Variants in DLGAP2 observed in about 807,000 individuals in gnomAD.
DLGAP2 encodes disks large-associated protein 2.
Under a neutral mutation model 100.3 loss-of-function variants are expected in DLGAP2, and 26 were observed. The observed-to-expected ratio is 0.26, with a 90% CI of 0.19 to 0.36. DLGAP2 has a LOEUF of 0.36. Ranked by LOEUF, DLGAP2 falls within the 10% of genes least tolerant of loss-of-function variation. DLGAP2 has a pLI of 1.00. For synonymous variants in DLGAP2, 886 were observed against 630.1 expected (o/e 1.41, Z -6.08); for missense variants, 1,858 against 1,453.2 (o/e 1.28, Z -4.53).
At chr8:1,577,043 A>G (rs1803008948) in intron 6 of DLGAP2, among the ~76,000 whole-genome samples, 1 of 152,220 alleles carries the variant, frequency 6.6e-6, no homozygotes, top group South Asian at 2.1e-4. Context: ...AGTAACCGAG[A>G]CAGGAGGATA....
chr8:774,791 C>T (rs1821466995), intron 1 of DLGAP2, among the ~76,000 whole-genome samples: 1 of 147,986 alleles, frequency 6.8e-6, no homozygotes, highest in East Asian at 2.0e-4. Flanking sequence ...GTGATGCCTC[C>T]AGCTTTGTTC....
chr8:1,038,166 G>C (rs1158431679), intron 2 of DLGAP2, among the ~76,000 whole-genome samples: 1 of 152,238 alleles, frequency 6.6e-6, no homozygotes, highest in Non-Finnish European at 1.5e-5. Flanking sequence ...TTCTCAGGAA[G>C]ACAAAGTGTC....
Position 1,028,183 on chromosome 8 carries a change from T to C in DLGAP2, c.73+120217T>C, listed in dbSNP as rs1240814784. On this transcript the variant is annotated intron_variant, in intron 2 of 14. Coordinates refer to ENST00000637795, the MANE Select transcript of DLGAP2 (RefSeq NM_001346810.2). ...GTACCAGGCGCCCGTTATTCTCCAG[T>C]TGGGGTGCCAGGCGCCCATTATTCT... is the stretch of plus-strand genomic sequence containing the variant. 2.8e-4 allele frequency among the ~76,000 whole-genome samples: 12 copies of C among 42,890 alleles called. No homozygotes were observed. The East Asian group carries it at 3.4e-3, about 12-fold the overall frequency. 28.1% of individuals were successfully genotyped at this position (42,890 alleles called of 152,430 possible).
intron 1 of DLGAP2, among the ~76,000 whole-genome samples, chr8:834,559 T>C (rs1796838279): frequency 2.0e-5 from 3 of 152,226 alleles, no homozygotes. Flanking sequence ...AACTTGTGAT[T>C]GTTTTAAGAG....
rs113389774 is a variant in DLGAP2, at chr8:1,366,770, C to T, written c.106+107887C>T. ...ATCCAGGAGGCTGGACCTTCTGTCTCGGGTCCCCGCAGCACGTTTGCTCAG... is the reference window on the plus strand; with the variant it reads ...ATCCAGGAGGCTGGACCTTCTGTCTTGGGTCCCCGCAGCACGTTTGCTCAG... On this transcript the variant is annotated intron_variant, in intron 3 of 14. Coordinates refer to ENST00000637795, the MANE Select transcript of DLGAP2 (RefSeq NM_001346810.2). Among the ~76,000 whole-genome samples the T allele has an allele frequency of 4.1e-4, 63 of 152,184 alleles. 2 individuals are homozygous for T. Among genetic ancestry groups the T allele is most frequent in the African/African-American group, 1.3e-3 (53 of 41,534 alleles).
chr8:802,496 T>C (rs757205940), intron 1 of DLGAP2, among the ~76,000 whole-genome samples: 29 of 152,158 alleles, frequency 1.9e-4, no homozygotes, highest in Non-Finnish European at 2.9e-4. Flanking sequence ...CTTCTCAACT[T>C]GCTGGGTGGT....
At chr8:1,237,452 T>C in intron 2 of DLGAP2, among the ~76,000 whole-genome samples, 1 of 146,802 alleles carries the variant, frequency 6.8e-6, no homozygotes, top group Non-Finnish European at 1.5e-5. Flanking sequence ...GCGCCGTGTC[T>C]AGTTACCTCT....
At chr8:1,613,593 C>A (rs961190813) in intron 6 of DLGAP2, among the ~76,000 whole-genome samples, 1 of 151,616 alleles carries the variant, frequency 6.6e-6, no homozygotes, top group African/African-American at 2.4e-5. Context: ...GAAATTTATG[C>A]ACTGCGCACC....
At chr8:962,058 T>C (rs1281442410) in intron 2 of DLGAP2, among the ~76,000 whole-genome samples, 7 of 152,276 alleles carry the variant, frequency 4.6e-5, no homozygotes, top group Non-Finnish European at 1.0e-4. Flanking sequence ...TAATCATTAA[T>C]GAGATTTCTA....
At chr8:1,594,635 G>A (rs534939062) in intron 6 of DLGAP2, among the ~76,000 whole-genome samples, 10 of 152,202 alleles carry the variant, frequency 6.6e-5, no homozygotes, top group Non-Finnish European at 1.5e-4. Context: ...TGTTGGCCAG[G>A]CTGATCCTGA....
intron 2 of DLGAP2, among the ~76,000 whole-genome samples, chr8:1,094,393 T>C (rs1468749234): frequency 6.6e-6 from 1 of 152,190 alleles, no homozygotes; most frequent in Non-Finnish European, 1.5e-5. Context: ...AGATGGAGAA[T>C]CCAGTATTTA....
At chr8:1,229,029 G>C (rs1382362753) in intron 2 of DLGAP2, among the ~76,000 whole-genome samples, 1 of 152,108 alleles carries the variant, frequency 6.6e-6, no homozygotes, top group Admixed American at 6.6e-5. Flanking sequence ...AAAATATTTA[G>C]AAATTTCCTA....
intron 3 of DLGAP2, among the ~76,000 whole-genome samples, chr8:1,434,209 G>A (rs1279125285): frequency 2.0e-5 from 3 of 152,114 alleles, no homozygotes; most frequent in African/African-American, 7.2e-5. Flanking sequence ...GTTTCATCTT[G>A]GTAAATGTGG....
intron 2 of DLGAP2, among the ~76,000 whole-genome samples, chr8:1,010,252 A>G (rs1172728168): frequency 6.6e-6 from 1 of 151,642 alleles, no homozygotes; most frequent in Admixed American, 6.6e-5. Context: ...GTGCCCACAT[A>G]TGCGCACACA....
chr8:1,369,357 A>G (rs1802183618), intron 3 of DLGAP2: 1 of 152,260 alleles, frequency 6.6e-6, no homozygotes, highest in African/African-American at 2.4e-5. Context: ...TCACATGGTC[A>G]TCCCTCTGTG....
At chr8:1,546,947 G>A (rs1801560885) in intron 4 of DLGAP2, among the ~76,000 whole-genome samples, 2 of 152,140 alleles carry the variant, frequency 1.3e-5, no homozygotes, top group African/African-American at 4.8e-5. Flanking sequence ...AGACGGCCAC[G>A]CTCAGCCGTC....
chr8:1,369,365 G>A (rs1033240640), intron 3 of DLGAP2: 1 of 152,208 alleles, frequency 6.6e-6, no homozygotes, highest in Non-Finnish European at 1.5e-5. Context: ...TCATCCCTCT[G>A]TGTGTGTGTC....
At chr8:1,097,846 C>T (rs1049239872) in intron 2 of DLGAP2, among the ~76,000 whole-genome samples, 5 of 147,864 alleles carry the variant, frequency 3.4e-5, no homozygotes, top group African/African-American at 1.3e-4. Flanking sequence ...CCGGGGCAGG[C>T]CTTCACCGTC....
rs142172203 is a variant in DLGAP2 at position 1,164,670 on chromosome 8, G to C, written c.74-94181G>C. On this transcript the variant is annotated intron_variant, in intron 2 of 14. Transcript: ENST00000637795. ...GTCTCTAAGGCCCTTGCCTGAAATT[G>C]AGCTGCATTCTCTGGATCTCCATCG... is the stretch of plus-strand genomic sequence containing the variant. 5.6e-3 allele frequency among the ~76,000 whole-genome samples: 858 copies of C among 152,272 alleles called. 8 individuals are homozygous for C. Among genetic ancestry groups the C allele is most frequent in the African/African-American group, 0.019 (793 of 41,556 alleles).
Sources: gnomAD v4.1 joint callset for allele counts (sites outside exome capture counted in the v4.1 genomes callset) on GRCh38, gnomAD v4.1.1 for gene constraint, MANE v1.5 for transcripts, NCBI Gene and HGNC (gene_info 2026-07-23, HGNC 2026-07-21) for gene names.